LINGO2: variants seen among roughly 807,000 people sequenced by gnomAD.
The protein encoded by LINGO2 is leucine-rich repeat and immunoglobulin-like domain-containing nogo receptor-interacting protein 2.
A neutral mutation model predicts 30.6 loss-of-function variants in LINGO2; 14 were observed. That is an observed-to-expected ratio of 0.46 (90% CI 0.30 to 0.72). LINGO2 has a LOEUF of 0.72. LINGO2 is among the 30% of genes least tolerant of loss of function. LINGO2 has a pLI of 0.07. For synonymous variants in LINGO2, 317 were observed against 288.5 expected (o/e 1.10, Z -1.00); for missense variants, 729 against 751.7 (o/e 0.97, Z 0.35).
intron 5 of LINGO2, among the ~76,000 whole-genome samples, chr9:27,981,534 C>CAAAAAAAAAAAAGAAAAAAA (rs1820855134): frequency 2.5e-5 from 1 of 39,858 alleles, no homozygotes; most frequent in Non-Finnish European, 5.3e-5. Context: ...ACGAGGATGG[C>CAAAAAAAAAAAAGAAAAAAA]AAAAAAAAAA....
chr9:28,012,651 C>T (rs1003189104), intron 4 of LINGO2, among the ~76,000 whole-genome samples: 12 of 151,958 alleles, frequency 7.9e-5, no homozygotes, highest in Non-Finnish European at 1.3e-4. Context: ...ACCGCCTGGC[C>T]AAGACACTTT....
intron 3 of LINGO2, among the ~76,000 whole-genome samples, chr9:28,332,065 T>C (rs183793580): frequency 6.6e-6 from 1 of 152,276 alleles, no homozygotes; most frequent in East Asian, 1.9e-4. Context: ...GTTAACCTGA[T>C]ACCTAATTAA....
At chr9:28,468,688 A>G (rs1825405756) in intron 2 of LINGO2, among the ~76,000 whole-genome samples, 1 of 152,210 alleles carries the variant, frequency 6.6e-6, no homozygotes, top group South Asian at 2.1e-4. Flanking sequence ...GGAGCTCTGG[A>G]AAGCAATCAC....
At chr9:28,986,484 A>C in the LINGO2 span, among the ~76,000 whole-genome samples, 1 of 152,062 alleles carries the variant, frequency 6.6e-6, no homozygotes, top group Non-Finnish European at 1.5e-5. Context: ...TTTTAAAAAT[A>C]CTAATACTTC....
At chr9:28,172,471 T>G (rs1828631473) in intron 4 of LINGO2, among the ~76,000 whole-genome samples, 1 of 152,158 alleles carries the variant, frequency 6.6e-6, no homozygotes, top group South Asian at 2.1e-4. Flanking sequence ...CTAAGAACCC[T>G]ACATAGAAGA....
At chr9:29,002,373 C>T in the LINGO2 span, among the ~76,000 whole-genome samples, 1 of 151,992 alleles carries the variant, frequency 6.6e-6, no homozygotes, top group East Asian at 1.9e-4. Context: ...GGTAATTTGA[C>T]ATATGAATAG....
chr9:29,067,576 G>A, the LINGO2 span, among the ~76,000 whole-genome samples: 1 of 151,356 alleles, frequency 6.6e-6, no homozygotes, highest in African/African-American at 2.4e-5. Flanking sequence ...AAGTGAACAC[G>A]CAAATAATTT....
intron 4 of LINGO2, among the ~76,000 whole-genome samples, chr9:28,246,274 A>G (rs2133992950): frequency 6.6e-6 from 1 of 152,140 alleles, no homozygotes; most frequent in East Asian, 1.9e-4. Flanking sequence ...AAATACCAAA[A>G]TTAGCCGGGC....
downstream of LINGO2, among the ~76,000 whole-genome samples, chr9:27,945,321 T>C (rs778125274): frequency 3.2e-4 from 48 of 152,142 alleles, no homozygotes; most frequent in Non-Finnish European, 5.7e-4. Flanking sequence ...ATTTAAATAA[T>C]CATTTTTTAA....
chr9:29,046,352 C>T, the LINGO2 span, among the ~76,000 whole-genome samples: 1 of 152,150 alleles, frequency 6.6e-6, no homozygotes, highest in East Asian at 1.9e-4. Context: ...CTTCAAACTA[C>T]TATATGTCTA....
At chr9:28,096,688 G>A (rs1364881650) in intron 4 of LINGO2, among the ~76,000 whole-genome samples, 3 of 63,604 alleles carry the variant, frequency 4.7e-5, no homozygotes, top group African/African-American at 1.2e-4. Flanking sequence ...GCTAGGTCCT[G>A]GCCAGGCACA....
At chr9:28,120,551 C>T (rs1024695500) in intron 4 of LINGO2, among the ~76,000 whole-genome samples, 6 of 152,166 alleles carry the variant, frequency 3.9e-5, no homozygotes, top group Admixed American at 3.9e-4. Context: ...CTGGGACCCA[C>T]AATTTTAGTA....
intron 4 of LINGO2, among the ~76,000 whole-genome samples, chr9:28,145,025 A>C (rs1192026194): frequency 6.6e-6 from 1 of 152,242 alleles, no homozygotes; most frequent in East Asian, 1.9e-4. Context: ...AGGAATGTGC[A>C]TGAGGTGCTT....
intron 5 of LINGO2, among the ~76,000 whole-genome samples, chr9:27,963,546 C>T (rs2118618898): frequency 6.6e-6 from 1 of 152,164 alleles, no homozygotes; most frequent in Middle Eastern, 3.4e-3. Context: ...TGATAAATTG[C>T]TTAGCCTGGA....
chr9:28,651,683 AC>A (rs1466770571), intron 1 of LINGO2, among the ~76,000 whole-genome samples: 3 of 151,934 alleles, frequency 2.0e-5, no homozygotes, highest in African/African-American at 4.8e-5. Flanking sequence ...TTAAAAAAAA[AC>A]AACAGCCTTT....
At chr9:29,004,044 C>T in the LINGO2 span, among the ~76,000 whole-genome samples, 1 of 152,018 alleles carries the variant, frequency 6.6e-6, no homozygotes, top group Middle Eastern at 3.4e-3. Flanking sequence ...ATTTTATAAG[C>T]CAAAGCCCAG....
In LINGO2 at chr9:28,023,019, TCTCA is replaced by T. The variant is rs770378083; in HGVS notation, c.-86-10618_-86-10615del. On this transcript the variant is annotated intron_variant, in intron 4 of 5. Coordinates refer to ENST00000379992, the Ensembl canonical transcript of LINGO2. ...TTTTATTTCTAGCATTTTGATTCTT[TCTCA>T]GAGTTTTCCATATCTCTGATTATAT... 6.6e-5 allele frequency among the ~76,000 whole-genome samples: 10 copies of T among 151,692 alleles called. 1 individual carries two copies. Among genetic ancestry groups the T allele is most frequent in the Middle Eastern group, 3.5e-3 (1 of 286 alleles).
intron 4 of LINGO2, among the ~76,000 whole-genome samples, chr9:28,214,843 A>C (rs933988491): frequency 6.6e-6 from 1 of 151,638 alleles, no homozygotes; most frequent in Non-Finnish European, 1.5e-5. Flanking sequence ...AATGGAAACA[A>C]ATCAGCTTAT....
chr9:28,719,413 T>A, the LINGO2 span, among the ~76,000 whole-genome samples: 1 of 151,976 alleles, frequency 6.6e-6, no homozygotes, highest in South Asian at 2.1e-4. Flanking sequence ...CTCACACTAA[T>A]TCACATTGTC....
Sources: allele counts gnomAD v4.1 joint callset (sites outside exome capture counted in the v4.1 genomes callset), GRCh38; gene constraint gnomAD v4.1.1; transcripts MANE v1.5; gene names NCBI Gene and HGNC (gene_info 2026-07-23, HGNC 2026-07-21).